The following CUL3 variants were observed in gnomAD, a reference collection of about 807,000 sequenced individuals.
CUL3 encodes cullin-3.
In CUL3, 19 loss-of-function variants were observed where a neutral mutation model predicts 89.1. The observed-to-expected ratio is 0.21, with a 90% CI of 0.15 to 0.31. The LOEUF (loss-of-function observed/expected upper bound fraction) is 0.31, where lower values mean the gene tolerates loss of function less well. CUL3 is among the 10% of genes least tolerant of loss of function. CUL3 has a pLI of 1.00. For synonymous variants in CUL3, 351 were observed against 308.4 expected (o/e 1.14, Z -1.45); for missense variants, 469 against 942.3 (o/e 0.50, Z 6.58).
chr2:224,514,777 A>G lies in CUL3; in HGVS notation c.379-5T>C. ...TTGTTGTACATACACACGGTCCTAC[A>G]GTTAAAGTCATATAAATATGAGTAC... On this transcript the variant is annotated splice_polypyrimidine_tract_variant and splice_region_variant and intron_variant, in intron 3 of 15. Coordinates refer to ENST00000264414, the MANE Select transcript of CUL3 (RefSeq NM_003590.5). The G allele has an allele frequency of 6.3e-7, 1 of 1,597,890 alleles. No individual in the cohort carries two copies. The highest frequency in any genetic ancestry group is 1.1e-5 in the South Asian group (1 of 90,472).
chr2:224,491,184 A>G (rs1471323370), intron 13 of CUL3, among the ~76,000 whole-genome samples: 1 of 152,150 alleles, frequency 6.6e-6, no homozygotes, highest in Non-Finnish European at 1.5e-5. Flanking sequence ...TATTTTGGAC[A>G]TTTCATTTCA....
intron 2 of CUL3, among the ~76,000 whole-genome samples, chr2:224,552,171 T>C (rs1694537523): frequency 6.6e-6 from 1 of 152,198 alleles, no homozygotes; most frequent in Non-Finnish European, 1.5e-5. Context: ...ATAATATATA[T>C]TCTAAACGTC....
chr2:224,536,467 T>C lies in CUL3; in HGVS notation c.265-826A>G, dbSNP rs538684251. Among the ~76,000 whole-genome samples the C allele has an allele frequency of 3.3e-5, 5 of 152,362 alleles. No homozygotes were observed. In the East Asian group the frequency reaches 9.6e-4, roughly 29 times the overall value. On this transcript the variant is annotated intron_variant, in intron 2 of 15. Coordinates refer to ENST00000264414, the MANE Select transcript of CUL3 (RefSeq NM_003590.5). ...ATTACCTACTATATTAGTTTATTTG[T>C]TTATTGTTTCTTCCACTAAAATGTA...
At chr2:224,475,302 C>A (rs557621169) in intron 15 of CUL3, among the ~76,000 whole-genome samples, 18 of 152,334 alleles carry the variant, frequency 1.2e-4, no homozygotes, top group African/African-American at 4.1e-4. Flanking sequence ...CAGGCGTGAG[C>A]CACCGTGCCC....
intron 2 of CUL3, among the ~76,000 whole-genome samples, chr2:224,555,406 T>C (rs1278719204): frequency 6.6e-6 from 1 of 152,184 alleles, no homozygotes; most frequent in Non-Finnish European, 1.5e-5. Context: ...CCTGATTTTA[T>C]AAACCTCCTC....
chr2:224,559,979 G>A (rs989962191), intron 1 of CUL3, among the ~76,000 whole-genome samples: 2 of 152,062 alleles, frequency 1.3e-5, no homozygotes, highest in African/African-American at 2.4e-5. Context: ...CTCCTTAGTG[G>A]GGCTGAGGCG....
intron 3 of CUL3, among the ~76,000 whole-genome samples, chr2:224,529,185 T>C (rs1159549774): frequency 6.6e-6 from 1 of 152,170 alleles, no homozygotes; most frequent in Non-Finnish European, 1.5e-5. Flanking sequence ...GGCTGTAATA[T>C]AACGTATATA....
At chr2:224,497,881 C>A in intron 11 of CUL3, 32 bp from the exon 12 acceptor site, 1 of 1,509,834 alleles carries the variant, frequency 6.6e-7, no homozygotes, top group Non-Finnish European at 9.2e-7. Context: ...TTTAGAAAAT[C>A]AAACAAACTT....
Position 224,478,066 on chromosome 2 carries a change from C to A in CUL3, c.2175+134G>T. On this transcript the variant is annotated intron_variant, in intron 15 of 15. Transcript: ENST00000264414. ...ACCATGTTTAGTTACCAAGTGAGTG[C>A]CATACATTTCATAAGTGTTACATCA... 3 of 808,134 alleles carry A rather than the reference C, an allele frequency of 3.7e-6. No individual in the cohort carries two copies. In the South Asian group the frequency reaches 8.2e-5, roughly 22 times the overall value. The allele number at this position is 808,134 out of a possible 1,614,324, so 50.1% of individuals were successfully genotyped here.
At chr2:224,561,531 C>A (rs1694901726) in intron 1 of CUL3, among the ~76,000 whole-genome samples, 1 of 152,202 alleles carries the variant, frequency 6.6e-6, no homozygotes, top group African/African-American at 2.4e-5. Flanking sequence ...ATGACTCAAA[C>A]TGAATCTTGT....
At chr2:224,482,101 T>A in intron 13 of CUL3, 23 bp from the exon 14 acceptor site, 1 of 1,559,620 alleles carries the variant, frequency 6.4e-7, no homozygotes, top group South Asian at 1.3e-5. Context: ...CAGATTAACA[T>A]AATTAGACTT....
At chr2:224,510,384 T>C (rs760974791) in intron 6 of CUL3, among the ~76,000 whole-genome samples, 25 of 151,914 alleles carry the variant, frequency 1.6e-4, no homozygotes, top group Non-Finnish European at 2.8e-4. Flanking sequence ...AAACACAAGG[T>C]AAGGATTCCA....
At chr2:224,575,662 T>C (rs1695282344) in intron 1 of CUL3, among the ~76,000 whole-genome samples, 1 of 152,230 alleles carries the variant, frequency 6.6e-6, no homozygotes. Context: ...ATTAACTCCA[T>C]CTTTAAAACA....
chr2:224,563,048 A>C, intron 1 of CUL3: 1 of 354,106 alleles, frequency 2.8e-6, no homozygotes, highest in South Asian at 2.2e-5. Context: ...CAACAAAGGA[A>C]AGTGCCCAAT....
At chr2:224,576,106 A>G (rs1216697141) in intron 1 of CUL3, among the ~76,000 whole-genome samples, 1 of 152,142 alleles carries the variant, frequency 6.6e-6, no homozygotes, top group East Asian at 1.9e-4. Context: ...CAGGAGAGTA[A>G]TTCTCAAGCC....
chr2:224,554,356 T>C (rs1366845670), intron 2 of CUL3, among the ~76,000 whole-genome samples: 2 of 152,212 alleles, frequency 1.3e-5, no homozygotes, highest in African/African-American at 4.8e-5. Flanking sequence ...TCCAACTCCA[T>C]TATTAAGTAA....
chr2:224,501,865 GA>G (rs1692403825), intron 10 of CUL3, among the ~76,000 whole-genome samples: 1 of 151,726 alleles, frequency 6.6e-6, no homozygotes, highest in Non-Finnish European at 1.5e-5. Context: ...ATTAGTGGAA[GA>G]AAAAAATTTA....
chr2:224,511,794 T>TATCTGTAAGCAATGTTTTTCA (rs1692836465), intron 5 of CUL3, among the ~76,000 whole-genome samples: 1 of 152,150 alleles, frequency 6.6e-6, no homozygotes. Context: ...ATTAAAACAT[T>TATCTGTAAGCAATGTTTTTCA]ATCTGTAAGC....
chr2:224,482,437 A>C (rs549234891), intron 13 of CUL3, among the ~76,000 whole-genome samples: 1 of 152,258 alleles, frequency 6.6e-6, no homozygotes, highest in Admixed American at 6.5e-5. Context: ...AATATTTTAC[A>C]ATCTTCCATC....
Sources: gnomAD v4.1 joint callset for allele counts (sites outside exome capture counted in the v4.1 genomes callset) on GRCh38, gnomAD v4.1.1 for gene constraint, MANE v1.5 for transcripts, NCBI Gene and HGNC (gene_info 2026-07-23, HGNC 2026-07-21) for gene names.